SAXO1: variants seen among roughly 807,000 people sequenced by gnomAD.
SAXO1 encodes the protein stabilizer of axonemal microtubules 1.
A neutral mutation model predicts 17.5 loss-of-function variants in SAXO1; 21 were observed. The observed-to-expected ratio is 1.20, with a 90% CI of 0.85 to 1.72. SAXO1 has a LOEUF of 1.72. Among genes scored for constraint, SAXO1 ranks in the 40% most tolerant of loss-of-function variants. The pLI is 0.00. For missense variants in SAXO1, 843 were observed against 596.0 expected, an observed-to-expected ratio of 1.41 and a Z score of -4.32; for synonymous variants, 274 against 216.5, an observed-to-expected ratio of 1.27 and a Z score of -2.33.
chr9:18,941,049 T>C (rs1831531864), intron 3 of SAXO1, among the ~76,000 whole-genome samples: 1 of 152,208 alleles, frequency 6.6e-6, no homozygotes, highest in Non-Finnish European at 1.5e-5. Context: ...AATTTATTGA[T>C]CTCTATAATT....
intron 3 of SAXO1, among the ~76,000 whole-genome samples, chr9:18,935,411 C>T (rs923178053): frequency 1.3e-5 from 2 of 152,102 alleles, no homozygotes; most frequent in African/African-American, 4.8e-5. Flanking sequence ...TCTCATGCCT[C>T]CCCTACACAA....
At chr9:18,996,779 CAAGAT>C (rs1834021740) in intron 1 of SAXO1, among the ~76,000 whole-genome samples, 1 of 151,910 alleles carries the variant, frequency 6.6e-6, no homozygotes, top group African/African-American at 2.4e-5. Context: ...AGATCAGAAA[CAAGAT>C]AAGGATCCCC....
At chr9:19,030,156 G>A (rs1188308480) in intron 1 of SAXO1, among the ~76,000 whole-genome samples, 1 of 152,036 alleles carries the variant, frequency 6.6e-6, no homozygotes, top group African/African-American at 2.4e-5. Context: ...AGGGAACATA[G>A]GTATTTTAGA....
chr9:18,930,034 C>G (rs1830970317), intron 3 of SAXO1, among the ~76,000 whole-genome samples: 1 of 152,166 alleles, frequency 6.6e-6, no homozygotes, highest in African/African-American at 2.4e-5. Context: ...AGAAACTTGC[C>G]CAAAAGTCAC....
intron 3 of SAXO1, among the ~76,000 whole-genome samples, chr9:18,937,308 A>G (rs1563928649): frequency 6.6e-6 from 1 of 152,186 alleles, no homozygotes. Context: ...GGATTTGTGT[A>G]GATATGCCAA....
intron 1 of SAXO1, among the ~76,000 whole-genome samples, chr9:19,000,970 C>T (rs1002770920): frequency 5.3e-5 from 8 of 152,160 alleles, no homozygotes; most frequent in African/African-American, 1.9e-4. Context: ...GACACTTAGA[C>T]TCCCACACAA....
chr9:19,010,918 T>C (rs1256336348), intron 1 of SAXO1, among the ~76,000 whole-genome samples: 1 of 152,214 alleles, frequency 6.6e-6, no homozygotes, highest in East Asian at 1.9e-4. Flanking sequence ...CATTAAGTGC[T>C]TGACATACAT....
At chr9:18,938,487 A>T (rs1029835578) in intron 3 of SAXO1, among the ~76,000 whole-genome samples, 1 of 152,048 alleles carries the variant, frequency 6.6e-6, no homozygotes, top group South Asian at 2.1e-4. Flanking sequence ...GCTTCTAAAC[A>T]AGCAGATCTC....
At chr9:19,038,955 T>C (rs1358341411) in intron 1 of SAXO1, among the ~76,000 whole-genome samples, 2 of 152,114 alleles carry the variant, frequency 1.3e-5, no homozygotes, top group African/African-American at 4.8e-5. Flanking sequence ...CCCTAAAATT[T>C]TTTGTAAAAT....
intron 1 of SAXO1, among the ~76,000 whole-genome samples, chr9:19,045,138 G>A (rs1157992221): frequency 3.4e-5 from 5 of 149,040 alleles, no homozygotes; most frequent in East Asian, 2.0e-4. Flanking sequence ...GTGAAACCCC[G>A]TCTCTACTAA....
At chr9:19,014,470 A>AAAAAAAG (rs1486949843) in intron 1 of SAXO1, among the ~76,000 whole-genome samples, 1 of 151,022 alleles carries the variant, frequency 6.6e-6, no homozygotes, top group East Asian at 1.9e-4. Context: ...CAAAAAAAAA[A>AAAAAAAG]AAAAAAAGTT....
chr9:18,959,946 A>T (rs983101333), intron 1 of SAXO1, among the ~76,000 whole-genome samples: 1 of 152,108 alleles, frequency 6.6e-6, no homozygotes, highest in African/African-American at 2.4e-5. Context: ...AAGGCTAAGG[A>T]CAGGTGATAG....
chr9:18,974,657 G>T (rs1241050323), intron 1 of SAXO1, among the ~76,000 whole-genome samples: 1 of 152,134 alleles, frequency 6.6e-6, no homozygotes, highest in Non-Finnish European at 1.5e-5. Flanking sequence ...ATAGTAATAG[G>T]TTATAACCCA....
chr9:18,997,952 C>T (rs1834080593), intron 1 of SAXO1, among the ~76,000 whole-genome samples: 1 of 152,130 alleles, frequency 6.6e-6, no homozygotes, highest in African/African-American at 2.4e-5. Context: ...CACCAAAACC[C>T]CATCTGTAGG....
chr9:18,938,560 C>T (rs1163902918), intron 3 of SAXO1, among the ~76,000 whole-genome samples: 3 of 152,038 alleles, frequency 2.0e-5, no homozygotes, highest in East Asian at 1.9e-4. Context: ...TCAAAAACCG[C>T]CCCCATTATA....
At chr9:19,022,850 A>G (rs1238345221) in intron 1 of SAXO1, among the ~76,000 whole-genome samples, 6 of 152,194 alleles carry the variant, frequency 3.9e-5, no homozygotes. Flanking sequence ...TACTTTGAAC[A>G]AGCTGGTAAA....
intron 1 of SAXO1, among the ~76,000 whole-genome samples, chr9:18,985,671 G>C (rs1400337405): frequency 2.0e-5 from 3 of 152,190 alleles, no homozygotes; most frequent in African/African-American, 7.2e-5. Context: ...AAGGAGGTGA[G>C]AGCACGCAGA....
chr9:18,978,205 C>T (rs1194551288), intron 1 of SAXO1, among the ~76,000 whole-genome samples: 1 of 152,014 alleles, frequency 6.6e-6, no homozygotes, highest in Non-Finnish European at 1.5e-5. Flanking sequence ...CACCCCCAAC[C>T]CCACAATGGA....
intron 1 of SAXO1, among the ~76,000 whole-genome samples, chr9:19,025,830 G>A (rs746485715): frequency 6.6e-6 from 1 of 152,072 alleles, no homozygotes; most frequent in Non-Finnish European, 1.5e-5. Flanking sequence ...TTAATCTCAG[G>A]AGGGAGATTT....
Sources: allele counts gnomAD v4.1 joint callset (sites outside exome capture counted in the v4.1 genomes callset), GRCh38; gene constraint gnomAD v4.1.1; transcripts MANE v1.5; gene names NCBI Gene and HGNC (gene_info 2026-07-23, HGNC 2026-07-21).